SLC16A7: variants seen among roughly 807,000 people sequenced by gnomAD.
The protein encoded by SLC16A7 is solute carrier family 16 member 7, also known as monocarboxylate transporter 2.
Under a neutral mutation model 34.9 loss-of-function variants are expected in SLC16A7, and 33 were observed. That is an observed-to-expected ratio of 0.94 (90% CI 0.72 to 1.26). The LOEUF (loss-of-function observed/expected upper bound fraction) is 1.26, where lower values mean the gene tolerates loss of function less well. Among genes scored for constraint, SLC16A7 ranks in the 50% most tolerant of loss-of-function variants. SLC16A7 has a pLI of 0.00. For synonymous variants in SLC16A7, 201 were observed against 206.6 expected, an observed-to-expected ratio of 0.97 and a Z score of 0.23; for missense variants, 573 against 578.1, an observed-to-expected ratio of 0.99 and a Z score of 0.09.
At chr12:59,761,478 C>T (rs1881009839) in intron 3 of SLC16A7, among the ~76,000 whole-genome samples, 1 of 152,098 alleles carries the variant, frequency 6.6e-6, no homozygotes, top group Admixed American at 6.6e-5. Flanking sequence ...TTGTTTACAT[C>T]TGAATCTATT....
At chr12:59,718,234 A>G (rs977216560) in intron 3 of SLC16A7, among the ~76,000 whole-genome samples, 2 of 152,086 alleles carry the variant, frequency 1.3e-5, no homozygotes, top group African/African-American at 4.8e-5. Context: ...TCCACTGGCA[A>G]TCTTGTTTAT....
At chr12:59,653,861 T>G (rs1868401981) in intron 1 of SLC16A7, among the ~76,000 whole-genome samples, 2 of 151,688 alleles carry the variant, frequency 1.3e-5, no homozygotes, top group Non-Finnish European at 3.0e-5. Flanking sequence ...TCTTTGGCCT[T>G]ACTCATGTGA....
rs551117224 is a variant in SLC16A7, at chr12:59,744,540, C to T, written c.218-26679C>T. ...CCAACCCTCAATTCATTCGTGCAAC[C>T]TGATTTTTCCTGGATGCTAAACAAG... On this transcript the variant is annotated intron_variant, in intron 3 of 5. Transcript: ENST00000547379. Among the ~76,000 whole-genome samples the T allele has an allele frequency of 1.4e-4, 21 of 152,232 alleles. No individual in the cohort carries two copies. The South Asian group carries it at 4.1e-3, about 30-fold the overall frequency.
In SLC16A7 at chr12:59,784,471, A is replaced by T. The variant is rs1244571137; in HGVS notation, c.*4792A>T. On this transcript the variant is annotated 3_prime_UTR_variant, in exon 6 of 6. Coordinates refer to ENST00000547379, the MANE Select transcript of SLC16A7 (RefSeq NM_001270623.2). ...ATTATCCGTAGCTACCAAAAAAAAG[A>T]TTATAAGATACAAATGATTTGGTTT... 1 of 152,206 alleles carries T rather than the reference A, an allele frequency of 6.6e-6. No individual in the cohort carries two copies. The highest frequency in any genetic ancestry group is 2.4e-5 in the African/African-American group (1 of 41,460). 9.4% of individuals were successfully genotyped at this position (152,206 alleles called of 1,614,324 possible).
intron 2 of SLC16A7, among the ~76,000 whole-genome samples, chr12:59,680,404 G>T (rs10877327): frequency 0.13 from 19,272 of 152,186 alleles, 1,980 homozygotes; most frequent in East Asian, 0.59. Flanking sequence ...CTTTTAGACT[G>T]AAAATGTGTT....
At chr12:59,613,756 A>G (rs946605944) in intron 1 of SLC16A7, among the ~76,000 whole-genome samples, 2 of 152,214 alleles carry the variant, frequency 1.3e-5, no homozygotes, top group African/African-American at 4.8e-5. Flanking sequence ...TGGTCTGGTC[A>G]AGAGCATGGA....
At chr12:59,771,903 G>A (rs1882271891) in intron 4 of SLC16A7, among the ~76,000 whole-genome samples, 1 of 152,038 alleles carries the variant, frequency 6.6e-6, no homozygotes, top group African/African-American at 2.4e-5. Flanking sequence ...AAATGATCCT[G>A]TTTAAAAGCT....
In SLC16A7 at chr12:59,779,463, C is replaced by T. The variant is rs760624992; in HGVS notation, c.1221C>T (p.Tyr407=). The change falls in exon 6 of 6, where the codon TAC becomes TAT. Residue 407 remains tyrosine, a synonymous_variant. Transcript: ENST00000547379. ...TAACTGGAGAATATAAATACATGTA[C>T]ATGTCCTGTGGGGCTATTGTGGTAG... ...VDLTGEYKYM[Y]MSCGAIVVAA... is the part of the protein sequence containing the mutation. 1 of 1,610,768 alleles carries T rather than the reference C, an allele frequency of 6.2e-7. No individual in the cohort carries two copies. The highest frequency in any genetic ancestry group is 1.1e-5 in the South Asian group (1 of 90,950).
intron 4 of SLC16A7, among the ~76,000 whole-genome samples, 193 bp downstream of exon 4, chr12:59,771,555 TA>T (rs1393008812): frequency 1.3e-5 from 2 of 152,140 alleles, no homozygotes; most frequent in Non-Finnish European, 2.9e-5. Flanking sequence ...TTTAAAAAAA[TA>T]AAAAATTATC....
intron 3 of SLC16A7, among the ~76,000 whole-genome samples, chr12:59,738,930 T>C (rs1033047696): frequency 6.6e-6 from 1 of 151,680 alleles, no homozygotes; most frequent in Non-Finnish European, 1.5e-5. Flanking sequence ...TATGGAGAAC[T>C]TACAGTTCTC....
chr12:59,602,084 A>G (rs374122457), intron 1 of SLC16A7, among the ~76,000 whole-genome samples: 15 of 152,246 alleles, frequency 9.9e-5, no homozygotes, highest in African/African-American at 3.4e-4. Flanking sequence ...CTGTCAGCCA[A>G]TAAGATCAAA....
intron 3 of SLC16A7, among the ~76,000 whole-genome samples, chr12:59,710,610 CTGATA>C (rs1481952688): frequency 6.6e-6 from 1 of 152,108 alleles, no homozygotes; most frequent in East Asian, 1.9e-4. Context: ...TCTTTTCTGA[CTGATA>C]TATGTGCCTC....
intron 3 of SLC16A7, among the ~76,000 whole-genome samples, chr12:59,711,347 T>C (rs1483028329): frequency 2.6e-5 from 4 of 152,232 alleles, no homozygotes; most frequent in Non-Finnish European, 4.4e-5. Context: ...TGTTGGGTTT[T>C]ACTAGTCACT....
At position 59,596,121 on chromosome 12, in the gene SLC16A7, C is replaced by T. The variant is rs1364549127; in HGVS notation, c.-245C>T. Reference sequence around the variant, plus strand: ...CTGGCTGTGGCGGGCGAGGACACGTCAGGGGCCATAAATAAATAAATAATT... The same window carrying T: ...CTGGCTGTGGCGGGCGAGGACACGTTAGGGGCCATAAATAAATAAATAATT... On this transcript the variant is annotated 5_prime_UTR_variant, in exon 1 of 6. Transcript: ENST00000547379. The surrounding 1 kb of genome is among the most constrained non-coding windows in gnomAD (Gnocchi z 5.0). 1 of 152,202 alleles carries T rather than the reference C, an allele frequency of 6.6e-6. No individual in the cohort carries two copies. The highest frequency in any genetic ancestry group is 1.5e-5 in the Non-Finnish European group (1 of 68,098). 9.4% of individuals were successfully genotyped at this position (152,202 alleles called of 1,614,324 possible).
intron 3 of SLC16A7, among the ~76,000 whole-genome samples, chr12:59,759,904 A>G (rs1267029691): frequency 1.3e-5 from 2 of 152,172 alleles, no homozygotes; most frequent in South Asian, 2.1e-4. Context: ...AAACCTAGCA[A>G]TTATGTTTTT....
chr12:59,712,776 T>A (rs967106984), intron 3 of SLC16A7, among the ~76,000 whole-genome samples: 4 of 152,142 alleles, frequency 2.6e-5, no homozygotes, highest in Admixed American at 6.5e-5. Flanking sequence ...ACTGGAGCAA[T>A]CAGTTTTGTC....
chr12:59,716,475 G>T (rs757979682), intron 3 of SLC16A7, among the ~76,000 whole-genome samples: 1 of 152,178 alleles, frequency 6.6e-6, no homozygotes, highest in Non-Finnish European at 1.5e-5. Context: ...GTGTGCAGGC[G>T]ATTTGGAATT....
At chr12:59,702,552 G>A (rs959993059) in intron 2 of SLC16A7, among the ~76,000 whole-genome samples, 5 of 152,028 alleles carry the variant, frequency 3.3e-5, no homozygotes, top group Admixed American at 2.0e-4. Context: ...CCCAATTACT[G>A]TGATTGACTA....
chr12:59,738,504 G>T (rs1421793307), intron 3 of SLC16A7, among the ~76,000 whole-genome samples: 1 of 152,128 alleles, frequency 6.6e-6, no homozygotes, highest in Non-Finnish European at 1.5e-5. Context: ...ATGGGAGAAG[G>T]CCTGTCTATT....
Sources: gnomAD v4.1 joint callset for allele counts (sites outside exome capture counted in the v4.1 genomes callset) on GRCh38, gnomAD v4.1.1 for gene constraint, Gnocchi (gnomAD v3.1) non-coding constraint, MANE v1.5 for transcripts, NCBI Gene and HGNC (gene_info 2026-07-23, HGNC 2026-07-21) for gene names.